THSD4: variants seen among roughly 807,000 people sequenced by gnomAD.
The protein encoded by THSD4 is thrombospondin type 1 domain containing 4.
In THSD4, 69 loss-of-function variants were observed where a neutral mutation model predicts 119.0. The ratio of observed to expected loss-of-function variants is 0.58; its 90% CI spans 0.48 to 0.71. The LOEUF (loss-of-function observed/expected upper bound fraction) is 0.71, where lower values mean the gene tolerates loss of function less well. THSD4 is among the 30% of genes least tolerant of loss of function. The pLI is 0.00. For synonymous variants in THSD4, 524 were observed against 540.4 expected (o/e 0.97, Z 0.42); for missense variants, 1,393 against 1,391.1 (o/e 1.00, Z -0.02).
At chr15:71,742,362 T>TA (rs1430077335) in intron 11 of THSD4, among the ~76,000 whole-genome samples, 1 of 152,216 alleles carries the variant, frequency 6.6e-6, no homozygotes, top group Non-Finnish European at 1.5e-5. Flanking sequence ...TTCATTTGAT[T>TA]CCTAGAGTTC....
At chr15:71,618,502 A>G (rs1008257776) in intron 7 of THSD4, among the ~76,000 whole-genome samples, 1 of 152,212 alleles carries the variant, frequency 6.6e-6, no homozygotes, top group Non-Finnish European at 1.5e-5. Context: ...AAAAGCAGGG[A>G]TATACCCCGG....
At chr15:71,682,758 T>A (rs2051811210) in intron 8 of THSD4, among the ~76,000 whole-genome samples, 1 of 152,178 alleles carries the variant, frequency 6.6e-6, no homozygotes, top group Admixed American at 6.5e-5. Flanking sequence ...ATTCCATTTA[T>A]CTGTCAAATA....
At chr15:71,618,063 GA>G (rs1402443292) in intron 7 of THSD4, among the ~76,000 whole-genome samples, 2 of 152,148 alleles carry the variant, frequency 1.3e-5, no homozygotes, top group African/African-American at 4.8e-5. Context: ...CCAAAGCTTG[GA>G]AACACTTTCA....
intron 8 of THSD4, among the ~76,000 whole-genome samples, chr15:71,673,156 C>G (rs2051567800): frequency 6.6e-6 from 1 of 152,190 alleles, no homozygotes; most frequent in Admixed American, 6.5e-5. Context: ...ATTATTGCCT[C>G]AATTTCAGAG....
chr15:71,468,495 T>C (rs1324197552), intron 7 of THSD4, among the ~76,000 whole-genome samples: 2 of 152,246 alleles, frequency 1.3e-5, no homozygotes, highest in Non-Finnish European at 2.9e-5. Context: ...AACAAGCAAT[T>C]GGCAATAGGT....
chr15:71,374,063 T>C (rs2046097780), intron 6 of THSD4, among the ~76,000 whole-genome samples: 2 of 152,206 alleles, frequency 1.3e-5, no homozygotes, highest in South Asian at 4.1e-4. Flanking sequence ...TGCTGGCTTG[T>C]ATTTTCTTGT....
At chr15:71,299,768 G>A (rs1039665547) in intron 6 of THSD4, among the ~76,000 whole-genome samples, 1 of 152,012 alleles carries the variant, frequency 6.6e-6, no homozygotes, top group Non-Finnish European at 1.5e-5. Context: ...ATTTTGCAAT[G>A]TATACATGTG....
chr15:71,431,926 A>T (rs1044407572), intron 7 of THSD4, among the ~76,000 whole-genome samples: 1 of 152,182 alleles, frequency 6.6e-6, no homozygotes, highest in South Asian at 2.1e-4. Context: ...TTAAGAAGAA[A>T]TCAGGAGGCA....
chr15:71,297,482 C>G (rs780792010), intron 6 of THSD4, among the ~76,000 whole-genome samples: 1 of 151,982 alleles, frequency 6.6e-6, no homozygotes, highest in African/African-American at 2.4e-5. Flanking sequence ...ATTACAGGCA[C>G]GTGCCCCCAT....
At chr15:71,215,425 G>A in intron 4 of THSD4, 26 bp downstream of exon 4, 1 of 1,491,742 alleles carries the variant, frequency 6.7e-7, no homozygotes, top group Non-Finnish European at 8.9e-7. Context: ...TGTCTGTGCC[G>A]CTCCCCGTCC....
chr15:71,426,832 A>G (rs1363665121), intron 7 of THSD4, among the ~76,000 whole-genome samples: 1 of 152,206 alleles, frequency 6.6e-6, no homozygotes, highest in Non-Finnish European at 1.5e-5. Flanking sequence ...GAGATTGAGT[A>G]TTATATGTAT....
intron 7 of THSD4, among the ~76,000 whole-genome samples, chr15:71,608,712 C>A (rs72740645): frequency 1.3e-5 from 2 of 152,024 alleles, no homozygotes; most frequent in Non-Finnish European, 2.9e-5. Context: ...CCAAAAAGTC[C>A]TTCTAATCTC....
At chr15:71,478,056 C>G (rs1188992352) in intron 7 of THSD4, among the ~76,000 whole-genome samples, 1 of 152,172 alleles carries the variant, frequency 6.6e-6, no homozygotes, top group Non-Finnish European at 1.5e-5. Context: ...CAATGTTTTC[C>G]TTAAAGATGT....
intron 8 of THSD4, among the ~76,000 whole-genome samples, chr15:71,671,146 G>A (rs906279426): frequency 2.6e-5 from 4 of 152,192 alleles, no homozygotes; most frequent in Non-Finnish European, 5.9e-5. Context: ...TCCAGCACCT[G>A]TAGTTCCTGA....
At chr15:71,496,717 C>T (rs756437522) in intron 7 of THSD4, among the ~76,000 whole-genome samples, 2 of 152,170 alleles carry the variant, frequency 1.3e-5, no homozygotes, top group Non-Finnish European at 2.9e-5. Context: ...CACAATGATG[C>T]TTGGAATAAA....
intron 7 of THSD4, among the ~76,000 whole-genome samples, chr15:71,500,999 C>G (rs1179140382): frequency 6.6e-6 from 1 of 152,110 alleles, no homozygotes; most frequent in Non-Finnish European, 1.5e-5. Context: ...ATTGTTTTTG[C>G]TATTTCTGCA....
intron 3 of THSD4, among the ~76,000 whole-genome samples, chr15:71,160,811 G>T (rs2043242609): frequency 6.8e-6 from 1 of 147,636 alleles, no homozygotes. Context: ...TTTCTGCTCT[G>T]AGCTTTATTA....
chr15:71,610,954 T>C (rs1351803239), intron 7 of THSD4, among the ~76,000 whole-genome samples: 1 of 151,686 alleles, frequency 6.6e-6, no homozygotes, highest in Non-Finnish European at 1.5e-5. Context: ...TGTGTGCATA[T>C]GTGTATGGAA....
At chr15:71,407,486 GA>G (rs1438767750) in intron 6 of THSD4, among the ~76,000 whole-genome samples, 8 of 151,996 alleles carry the variant, frequency 5.3e-5, no homozygotes, top group African/African-American at 1.9e-4. Flanking sequence ...CTTTTCCAAG[GA>G]AACAAAATTC....
Sources: allele counts gnomAD v4.1 joint callset (sites outside exome capture counted in the v4.1 genomes callset), GRCh38; gene constraint gnomAD v4.1.1; transcripts MANE v1.5; gene names NCBI Gene and HGNC (gene_info 2026-07-23, HGNC 2026-07-21).